The following FXYD6 variants were observed in gnomAD, a reference collection of about 807,000 sequenced individuals.
The protein encoded by FXYD6 is FXYD domain containing ion transport regulator 6, also known as FXYD domain-containing ion transport regulator 6.
Under a neutral mutation model 16.7 loss-of-function variants are expected in FXYD6, and 7 were observed. That is an observed-to-expected ratio of 0.42 (90% CI 0.24 to 0.79). The LOEUF (loss-of-function observed/expected upper bound fraction) is 0.79, where lower values mean the gene tolerates loss of function less well. Ranked by LOEUF, FXYD6 falls within the 30% of genes least tolerant of loss-of-function variation. The probability of loss-of-function intolerance (pLI) is 0.28; values close to 1 mark genes in which losing one functional copy is unlikely to be tolerated. For missense variants in FXYD6, 111 were observed against 116.2 expected, an observed-to-expected ratio of 0.95 and a Z score of 0.21; for synonymous variants, 49 against 43.0, an observed-to-expected ratio of 1.14 and a Z score of -0.54.
At chr11:117,874,868 A>G (rs772495776) in intron 1 of FXYD6, among the ~76,000 whole-genome samples, 9 of 152,190 alleles carry the variant, frequency 5.9e-5, no homozygotes, top group Non-Finnish European at 1.2e-4. Flanking sequence ...CCCACTCTTT[A>G]TCCAACCTTC....
At position 117,837,663 on chromosome 11, in the gene FXYD6, G is replaced by T. The variant is rs544683146; in HGVS notation, c.*636C>A. On this transcript the variant is annotated 3_prime_UTR_variant, in exon 8 of 8. Coordinates refer to ENST00000526014, the MANE Select transcript of FXYD6 (RefSeq NM_022003.4). The surrounding 1 kb of genome is among the most constrained non-coding windows in gnomAD (Gnocchi z 4.4). ...TCAACGCTGGGCTCACCAGCTCCTT[G>T]CTTTGTATCTCCAGTTGCTAAGAGA... The T allele has an allele frequency of 1.4e-3, 211 of 155,784 alleles. No individual in the cohort carries two copies. Among genetic ancestry groups the T allele is most frequent in the Middle Eastern group, 6.8e-3 (2 of 294 alleles). The allele number at this position is 155,784 out of a possible 1,614,324, so 9.7% of individuals were successfully genotyped here. A position where few individuals can be genotyped will look rare whatever the true frequency, so the allele number is the denominator to read the frequency against.
chr11:117,862,040 T>C (rs1482546391), intron 1 of FXYD6, among the ~76,000 whole-genome samples: 1 of 151,340 alleles, frequency 6.6e-6, no homozygotes, highest in East Asian at 1.9e-4. Flanking sequence ...ACAGAGGACA[T>C]GAGGCAGCAG....
In FXYD6 at chr11:117,849,382, T is replaced by G. The variant is rs75572083; in HGVS notation, c.-5-6601A>C. Reference sequence around the variant, plus strand: ...TGGTCTGTATGATGTACAGATGCCTTGAAACGTGTTGAGACTTGCTTTATG... The same window carrying G: ...TGGTCTGTATGATGTACAGATGCCTGGAAACGTGTTGAGACTTGCTTTATG... On this transcript the variant is annotated intron_variant, in intron 1 of 7. Coordinates refer to ENST00000526014, the MANE Select transcript of FXYD6 (RefSeq NM_022003.4). 0.021 allele frequency among the ~76,000 whole-genome samples: 3,270 copies of G among 152,350 alleles called. 294 individuals carry two copies. The East Asian group carries it at 0.26, about 12-fold the overall frequency.
At chr11:117,839,759 A>G (rs781560084) in intron 7 of FXYD6, 22 bp downstream of exon 7, 21 of 1,614,054 alleles carry the variant, frequency 1.3e-5, no homozygotes, top group Middle Eastern at 3.3e-4. Flanking sequence ...ACAGGGGCCA[A>G]TCCAGGCACT....
chr11:117,848,906 T>C (rs140649958), intron 1 of FXYD6, among the ~76,000 whole-genome samples: 17 of 152,328 alleles, frequency 1.1e-4, no homozygotes, highest in African/African-American at 3.4e-4. Context: ...TATAGTTTTT[T>C]TGAAGAAACC....
chr11:117,858,636 T>TTTCTTTCCTTCTTTCC (rs1312124261), intron 1 of FXYD6, among the ~76,000 whole-genome samples: 1 of 20,844 alleles, frequency 4.8e-5, no homozygotes, highest in African/African-American at 2.1e-4. Flanking sequence ...TTCTTTTTTC[T>TTTCTTTCCTTCTTTCC]TTCTTTCTTT....
intron 1 of FXYD6, among the ~76,000 whole-genome samples, chr11:117,869,689 AAG>A (rs869048127): frequency 6.9e-6 from 1 of 145,580 alleles, no homozygotes; most frequent in Admixed American, 6.9e-5. Flanking sequence ...GAAGAAGAAG[AAG>A]AGAGAGAGAC....
chr11:117,857,943 A>G (rs144837741), intron 1 of FXYD6, among the ~76,000 whole-genome samples: 78 of 152,126 alleles, frequency 5.1e-4, no homozygotes, highest in Non-Finnish European at 9.7e-4. Context: ...GACCTGGGGG[A>G]GTGGTCAGTA....
rs1431408625 is a variant in FXYD6, at chr11:117,870,235, G to A, written c.-6+6357C>T. Reference sequence around the variant, plus strand: ...CCTGCCTGCCAGCACAGGGGCTGAGGCCCCTCTGGTTCCCCAGGAGATCTC... The same window carrying A: ...CCTGCCTGCCAGCACAGGGGCTGAGACCCCTCTGGTTCCCCAGGAGATCTC... On this transcript the variant is annotated intron_variant, in intron 1 of 7. Transcript: ENST00000526014. The surrounding 1 kb of genome is among the most constrained non-coding windows in gnomAD (Gnocchi z 4.2). Among the ~76,000 whole-genome samples the A allele has an allele frequency of 2.6e-5, 4 of 152,266 alleles. No homozygotes were observed. Among genetic ancestry groups the A allele is most frequent in the Admixed American group, 6.5e-5 (1 of 15,292 alleles).
chr11:117,871,057 C>T (rs1298126196), intron 1 of FXYD6, among the ~76,000 whole-genome samples: 1 of 152,162 alleles, frequency 6.6e-6, no homozygotes, highest in Non-Finnish European at 1.5e-5. Flanking sequence ...ATCCTCCTTC[C>T]TCCATTGCCT....
chr11:117,855,533 C>A (rs1263088848), intron 1 of FXYD6, among the ~76,000 whole-genome samples: 1 of 152,194 alleles, frequency 6.6e-6, no homozygotes, highest in African/African-American at 2.4e-5. Context: ...CTCCCACCCT[C>A]CCAGTGACCA....
At chr11:117,860,869 C>T (rs764122876) in intron 1 of FXYD6, among the ~76,000 whole-genome samples, 4 of 152,212 alleles carry the variant, frequency 2.6e-5, no homozygotes, top group East Asian at 1.9e-4. Context: ...ACTATTATTA[C>T]GATCATTCCC....
At chr11:117,856,830 A>C (rs1026663512) in intron 1 of FXYD6, among the ~76,000 whole-genome samples, 1 of 152,192 alleles carries the variant, frequency 6.6e-6, no homozygotes, top group African/African-American at 2.4e-5. Flanking sequence ...ATTGGGGCCC[A>C]AAGAGAGATG....
chr11:117,841,784 AACTT>A lies in FXYD6; in HGVS notation c.172+3_172+6del. On this transcript the variant is annotated splice_donor_5th_base_variant and intron_variant, in intron 4 of 7. Transcript: ENST00000526014. ...TCTTAACAGAGTGAGCAAAAGAACAAACTTACTTAGGATAAGGAGGATCCCAACC... is the reference window on the plus strand; with the variant it reads ...TCTTAACAGAGTGAGCAAAAGAACAAACTTAGGATAAGGAGGATCCCAACC... 6.2e-7 allele frequency: 1 copy of A among 1,613,772 alleles called. No homozygotes were observed. The highest frequency in any genetic ancestry group is 8.5e-7 in the Non-Finnish European group (1 of 1,180,022).
In FXYD6 at chr11:117,838,284, A is replaced by G. The variant is rs2056246377; in HGVS notation, c.*22-7T>C. 1.4e-6 allele frequency: 1 copy of G among 702,510 alleles called. No individual in the cohort carries two copies. The highest frequency in any genetic ancestry group is 2.6e-6 in the Non-Finnish European group (1 of 384,992). The allele number at this position is 702,510 out of a possible 1,614,324, so 43.5% of individuals were successfully genotyped here. On this transcript the variant is annotated splice_region_variant and splice_polypyrimidine_tract_variant and intron_variant, in intron 7 of 7. Coordinates refer to ENST00000526014, the MANE Select transcript of FXYD6 (RefSeq NM_022003.4). ...CCGCCTCAGGTTCCAGAGGCTGAGG[A>G]GGAGGATAATTTAAATTAAAAACAC...
chr11:117,874,844 G>A (rs779263430), intron 1 of FXYD6, among the ~76,000 whole-genome samples: 1 of 152,250 alleles, frequency 6.6e-6, no homozygotes, highest in Non-Finnish European at 1.5e-5. Context: ...TGAGGAGGAG[G>A]GAAAAGGGCT....
chr11:117,853,601 C>T (rs1403856365), intron 1 of FXYD6, among the ~76,000 whole-genome samples: 1 of 152,148 alleles, frequency 6.6e-6, no homozygotes, highest in Non-Finnish European at 1.5e-5. Flanking sequence ...GAGTGATCCT[C>T]CTGCCTCAGC....
intron 6 of FXYD6, 85 bp from the exon 7 acceptor site, chr11:117,839,915 ACT>A (rs1012065173): frequency 6.4e-7 from 1 of 1,559,660 alleles, no homozygotes; most frequent in African/African-American, 1.4e-5. Context: ...TCTCTGCCTG[ACT>A]CTGGGGGAGC....
At chr11:117,865,602 G>A (rs1027079055) in intron 1 of FXYD6, among the ~76,000 whole-genome samples, 33 of 152,332 alleles carry the variant, frequency 2.2e-4, no homozygotes, top group African/African-American at 7.0e-4. Flanking sequence ...GACAGAGGCT[G>A]AGGAGGAACA....
Sources: gnomAD v4.1 joint callset for allele counts (sites outside exome capture counted in the v4.1 genomes callset) on GRCh38, gnomAD v4.1.1 for gene constraint, Gnocchi (gnomAD v3.1) non-coding constraint, MANE v1.5 for transcripts, NCBI Gene and HGNC (gene_info 2026-07-23, HGNC 2026-07-21) for gene names.